MC2R: variants seen among roughly 807,000 people sequenced by gnomAD.
MC2R encodes melanocortin 2 receptor, also known as adrenocorticotropic hormone receptor.
A neutral mutation model predicts 9.8 loss-of-function variants in MC2R; 9 were observed. The ratio of observed to expected loss-of-function variants is 0.92; its 90% CI spans 0.55 to 1.60. MC2R has a LOEUF of 1.60. Among genes scored for constraint, MC2R ranks in the 40% most tolerant of loss-of-function variants. MC2R has a pLI of 0.00. For synonymous variants in MC2R, 185 were observed against 154.7 expected, an observed-to-expected ratio of 1.20 and a Z score of -1.45; for missense variants, 370 against 389.0, an observed-to-expected ratio of 0.95 and a Z score of 0.41.
chr18:13,891,251 C>G (rs933216485), intron 1 of MC2R, among the ~76,000 whole-genome samples: 14 of 152,182 alleles, frequency 9.2e-5, no homozygotes, highest in Non-Finnish European at 1.8e-4. Context: ...ATCACTTCCT[C>G]CTCCCTCTTC....
At chr18:13,907,683 A>G (rs1177620886) in intron 1 of MC2R, among the ~76,000 whole-genome samples, 2 of 152,230 alleles carry the variant, frequency 1.3e-5, no homozygotes, top group Non-Finnish European at 2.9e-5. Context: ...CAGCAAAAGA[A>G]AACCAACAAA....
intron 1 of MC2R, among the ~76,000 whole-genome samples, chr18:13,895,873 G>T (rs2045343231): frequency 6.6e-6 from 1 of 152,178 alleles, no homozygotes; most frequent in Non-Finnish European, 1.5e-5. Flanking sequence ...GAGAAGCAAG[G>T]ACAGTAGTAG....
intron 1 of MC2R, among the ~76,000 whole-genome samples, chr18:13,913,774 C>T (rs1474642184): frequency 6.6e-6 from 1 of 152,162 alleles, no homozygotes; most frequent in African/African-American, 2.4e-5. Flanking sequence ...CAAGGGAGCC[C>T]AGGATTGCTG....
At chr18:13,893,201 T>C (rs2045327231) in intron 1 of MC2R, among the ~76,000 whole-genome samples, 1 of 152,108 alleles carries the variant, frequency 6.6e-6, no homozygotes, top group South Asian at 2.1e-4. Flanking sequence ...CTGAACGACA[T>C]CCGGAAGTTT....
intron 1 of MC2R, among the ~76,000 whole-genome samples, chr18:13,890,923 G>A (rs2045312367): frequency 1.3e-5 from 2 of 152,188 alleles, no homozygotes; most frequent in Admixed American, 1.3e-4. Flanking sequence ...ATGAAGAGGA[G>A]CCTGCAGACT....
chr18:13,893,128 T>C (rs1213875263), intron 1 of MC2R, among the ~76,000 whole-genome samples: 1 of 152,240 alleles, frequency 6.6e-6, no homozygotes, highest in Non-Finnish European at 1.5e-5. Flanking sequence ...TAGACATGCA[T>C]ACGATTGATT....
Position 13,885,183 on chromosome 18 carries a change from G to C in MC2R, c.336C>G (p.Leu112=). 1 of 1,614,190 alleles carries C rather than the reference G, an allele frequency of 6.2e-7. No homozygotes were observed. The highest frequency in any genetic ancestry group is 8.5e-7 in the Non-Finnish European group (1 of 1,180,034). ...ADDIIDSLFV[L]SLLGSIFSLS... ...GGCTGAAGATGGAGCCAAGCAGGGAGAGGACAAACAGGGAGTCGATGATGT... is the reference window on the plus strand; with the variant it reads ...GGCTGAAGATGGAGCCAAGCAGGGACAGGACAAACAGGGAGTCGATGATGT... The change falls in exon 2 of 2, where the codon CTC becomes CTG. Residue 112 remains leucine (L), a synonymous_variant. Coordinates refer to ENST00000327606, the MANE Select transcript of MC2R (RefSeq NM_000529.2).
At chr18:13,896,718 TA>T (rs1204983494) in intron 1 of MC2R, among the ~76,000 whole-genome samples, 1 of 152,198 alleles carries the variant, frequency 6.6e-6, no homozygotes, top group Non-Finnish European at 1.5e-5. Context: ...CTTTAAGACC[TA>T]AAAACATGAC....
At chr18:13,888,541 G>C (rs765911860) in intron 1 of MC2R, among the ~76,000 whole-genome samples, 1 of 152,198 alleles carries the variant, frequency 6.6e-6, no homozygotes, top group Non-Finnish European at 1.5e-5. Context: ...AGCAGAGCCC[G>C]CCTTGTGACC....
Position 13,883,736 on chromosome 18 carries a change from C to CAT in MC2R, c.*887_*888dup, listed in dbSNP as rs1359291669. On this transcript the variant is annotated 3_prime_UTR_variant, in exon 2 of 2. Coordinates refer to ENST00000327606, the MANE Select transcript of MC2R (RefSeq NM_000529.2). ...TCTTGTACTTCTACATTGTAACACA[C>CAT]ATAGTTTGGTTACAGCTTCTTCAAA... The CAT allele has an allele frequency of 2.0e-5, 3 of 152,096 alleles. No homozygotes were observed. The highest frequency in any genetic ancestry group is 4.4e-5 in the Non-Finnish European group (3 of 68,032). The allele number at this position is 152,096 out of a possible 1,614,324, so 9.4% of individuals were successfully genotyped here. A position where few individuals can be genotyped will look rare whatever the true frequency, so the allele number is the denominator to read the frequency against.
At chr18:13,913,056 T>A (rs2045454456) in intron 1 of MC2R, among the ~76,000 whole-genome samples, 1 of 152,148 alleles carries the variant, frequency 6.6e-6, no homozygotes, top group Admixed American at 6.5e-5. Flanking sequence ...ATTTCTTTTT[T>A]AATATACACA....
chr18:13,884,712 G>T lies in MC2R; in HGVS notation c.807C>A (p.Ala269=), dbSNP rs776404903. The T allele has an allele frequency of 6.2e-6, 10 of 1,614,000 alleles. No homozygotes were observed. The African/African-American group carries it at 1.3e-4, about 22-fold the overall frequency. Residue 269 remains alanine, a synonymous_variant, in exon 2 of 2, where the codon GCC becomes GCA. Coordinates refer to ENST00000327606, the MANE Select transcript of MC2R (RefSeq NM_000529.2). ...QVNGMLIMCN[A]VIDPFIYAFR... ...AGGCATATATGAAGGGGTCAATGAC[G>T]GCATTGCACATGATCAACATGCCGT...
chr18:13,899,973 G>GAA (rs1380188165), intron 1 of MC2R, among the ~76,000 whole-genome samples: 53 of 152,112 alleles, frequency 3.5e-4, no homozygotes, highest in African/African-American at 1.1e-3. Flanking sequence ...TCATAACACT[G>GAA]TAACTGTGCT....
At chr18:13,892,951 C>T (rs550902537) in intron 1 of MC2R, among the ~76,000 whole-genome samples, 1 of 152,330 alleles carries the variant, frequency 6.6e-6, no homozygotes, top group African/African-American at 2.4e-5. Flanking sequence ...CTCAGCTTCC[C>T]AGTGTGCTGG....
rs145175608 is a variant in MC2R at position 13,913,804 on chromosome 18, CTGTT to C, written c.-129+1680_-129+1683del. Among the ~76,000 whole-genome samples the C allele has an allele frequency of 1.6e-3, 247 of 152,310 alleles. 5 individuals carry two copies. In the East Asian group the frequency reaches 0.043, roughly 26 times the overall value. On this transcript the variant is annotated intron_variant, in intron 1 of 1. Coordinates refer to ENST00000327606, the MANE Select transcript of MC2R (RefSeq NM_000529.2). ...TTGCTGCCCGTCTATGCACCTGTAG[CTGTT>C]TGTTCTTATTTCTACAACGGCATTA...
Position 13,885,021 on chromosome 18 carries a change from C to T in MC2R, c.498G>A (p.Val166=). The part of the protein sequence containing the change: ...TFCTGTGITM[V]IFSHHVPTVI... ...CTGTGGGCACATGATGGGAGAAGATCACCATGGTGATGCCAGTCCCCGTGC... is the reference window on the plus strand; with the variant it reads ...CTGTGGGCACATGATGGGAGAAGATTACCATGGTGATGCCAGTCCCCGTGC... The change falls in exon 2 of 2, where the codon GTG becomes GTA. Residue 166 remains valine (V), a synonymous_variant. Coordinates refer to ENST00000327606, the MANE Select transcript of MC2R (RefSeq NM_000529.2). 4 of 1,614,168 alleles carry T rather than the reference C, an allele frequency of 2.5e-6. No individual in the cohort carries two copies. Among genetic ancestry groups the T allele is most frequent in the Non-Finnish European group, 3.4e-6 (4 of 1,180,040 alleles).
rs1211030797 is a variant in MC2R, at chr18:13,912,814, G to A, written c.-129+2674C>T. On this transcript the variant is annotated intron_variant, in intron 1 of 1. Coordinates refer to ENST00000327606, the MANE Select transcript of MC2R (RefSeq NM_000529.2). ...GTGAAGACTGGCTGCAGCCAGCAGAGCTCGCTATGGTAGGCAATGGCTCAT... is the reference window on the plus strand; with the variant it reads ...GTGAAGACTGGCTGCAGCCAGCAGAACTCGCTATGGTAGGCAATGGCTCAT... 5.3e-5 allele frequency among the ~76,000 whole-genome samples: 8 copies of A among 152,294 alleles called. No individual in the cohort carries two copies. The South Asian group carries it at 8.3e-4, about 16-fold the overall frequency.
At position 13,882,670 on chromosome 18, in the gene MC2R, C is replaced by T. The variant is rs993758175; in HGVS notation, c.*1955G>A. 3 of 152,182 alleles carry T rather than the reference C, an allele frequency of 2.0e-5. No homozygotes were observed. Among genetic ancestry groups the T allele is most frequent in the African/African-American group, 7.2e-5 (3 of 41,432 alleles). The allele number at this position is 152,182 out of a possible 1,614,324, so 9.4% of individuals were successfully genotyped here. ...ATACAGGTTAAGTGGCATTGCTTAC[C>T]TCTGTGGTATCACAGAGCATTGCAG... On this transcript the variant is annotated 3_prime_UTR_variant, in exon 2 of 2. Coordinates refer to ENST00000327606, the MANE Select transcript of MC2R (RefSeq NM_000529.2).
At position 13,884,780 on chromosome 18, in the gene MC2R, T is replaced by A; in HGVS notation, c.739A>T (p.Ser247Cys). The A allele has an allele frequency of 6.2e-7, 1 of 1,614,008 alleles. No individual in the cohort carries two copies. The highest frequency in any genetic ancestry group is 8.5e-7 in the Non-Finnish European group (1 of 1,180,022). ...ATGTAGCAGGCGCAGTAGGGGTTAC[T>A]TGGGCAGAATGTCATCAAGAGGACA... ...LHVLLMTFCPSNPYCACYMSL... is the reference protein window; with the variant it reads ...LHVLLMTFCPCNPYCACYMSL... The change falls in exon 2 of 2, where the codon AGT becomes TGT. Residue 247 changes from serine to cysteine, a missense_variant. By Grantham distance (112) the Ser-to-Cys change is moderately radical (BLOSUM62 -1). Coordinates refer to ENST00000327606, the MANE Select transcript of MC2R (RefSeq NM_000529.2).
Sources: allele counts gnomAD v4.1 joint callset (sites outside exome capture counted in the v4.1 genomes callset), GRCh38; gene constraint gnomAD v4.1.1; transcripts MANE v1.5; gene names NCBI Gene and HGNC (gene_info 2026-07-23, HGNC 2026-07-21).